Variants in ITGA9 observed in about 807,000 individuals in gnomAD.
ITGA9 encodes the protein integrin subunit alpha 9.
A neutral mutation model predicts 127.8 loss-of-function variants in ITGA9; 56 were observed. The observed-to-expected ratio is 0.44, with a 90% confidence interval of 0.35 to 0.55. The LOEUF is 0.55. Ranked by LOEUF, ITGA9 falls within the 20% of genes least tolerant of loss-of-function variation. ITGA9 has a pLI of 0.00. For synonymous variants in ITGA9, 508 were observed against 514.5 expected, an observed-to-expected ratio of 0.99 and a Z score of 0.17; for missense variants, 1,196 against 1,347.1, an observed-to-expected ratio of 0.89 and a Z score of 1.76.
chr3:37,611,427 A>G (rs1231630748), intron 15 of ITGA9, among the ~76,000 whole-genome samples: 1 of 152,180 alleles, frequency 6.6e-6, no homozygotes, highest in East Asian at 1.9e-4. Context: ...TGGATCCAAT[A>G]TGGTGGCCAT....
At chr3:37,477,833 C>T (rs548075954) in intron 3 of ITGA9, among the ~76,000 whole-genome samples, 1 of 152,210 alleles carries the variant, frequency 6.6e-6, no homozygotes, top group Admixed American at 6.5e-5. Context: ...TGTGCAGAAG[C>T]AGTATTCTCT....
At chr3:37,748,993 T>A in intron 22 of ITGA9, 1 of 481,416 alleles carries the variant, frequency 2.1e-6, no homozygotes. Flanking sequence ...GCTTCTTGTA[T>A]TAATTTCTTA....
intron 16 of ITGA9, among the ~76,000 whole-genome samples, chr3:37,649,291 A>G (rs1700408175): frequency 1.3e-5 from 2 of 152,206 alleles, no homozygotes; most frequent in Non-Finnish European, 2.9e-5. Context: ...GACTGAATAG[A>G]TTATTAAAAA....
At chr3:37,563,467 C>T (rs1213491097) in intron 15 of ITGA9, among the ~76,000 whole-genome samples, 1 of 152,216 alleles carries the variant, frequency 6.6e-6, no homozygotes, top group Non-Finnish European at 1.5e-5. Context: ...ACTCAGCCCA[C>T]ACTTTGCTTA....
chr3:37,614,496 G>T (rs991669570), intron 15 of ITGA9, among the ~76,000 whole-genome samples: 6 of 151,666 alleles, frequency 4.0e-5, no homozygotes, highest in African/African-American at 1.5e-4. Context: ...TTCCAATTCT[G>T]TGAAGAAAGT....
intron 16 of ITGA9, among the ~76,000 whole-genome samples, chr3:37,646,853 G>C (rs931695284): frequency 2.6e-5 from 4 of 152,106 alleles, no homozygotes; most frequent in Non-Finnish European, 4.4e-5. Flanking sequence ...GGAAAATCAG[G>C]AGTTTGGGCC....
intron 17 of ITGA9, among the ~76,000 whole-genome samples, chr3:37,661,053 A>G (rs1700528512): frequency 6.6e-6 from 1 of 152,224 alleles, no homozygotes; most frequent in Non-Finnish European, 1.5e-5. Context: ...GTCAAGGGAC[A>G]GGAAGTTAGT....
chr3:37,747,278 A>C (rs1456057948), intron 22 of ITGA9, among the ~76,000 whole-genome samples: 1 of 152,100 alleles, frequency 6.6e-6, no homozygotes, highest in African/African-American at 2.4e-5. Context: ...TTGTGAGTAC[A>C]TGGTAGGTGT....
intron 18 of ITGA9, among the ~76,000 whole-genome samples, chr3:37,714,025 A>G (rs1413843805): frequency 2.0e-5 from 3 of 152,220 alleles, no homozygotes; most frequent in African/African-American, 7.2e-5. Flanking sequence ...TGGCTGCATG[A>G]TGATGTGCCT....
At chr3:37,541,564 T>C (rs1315175511) in intron 14 of ITGA9, among the ~76,000 whole-genome samples, 1 of 152,176 alleles carries the variant, frequency 6.6e-6, no homozygotes, top group East Asian at 1.9e-4. Flanking sequence ...CTTTCTTTCT[T>C]CTTTTTTTTA....
rs549805694 is a variant in ITGA9 at position 37,736,198 on chromosome 3, G to C, written c.2155-706G>C. ...CCCATCTCCACATACCATCACATAG[G>C]GGGGTTAGGCCTTCCACATATTAAT... On this transcript the variant is annotated intron_variant, in intron 19 of 27. Coordinates refer to ENST00000264741, the MANE Select transcript of ITGA9 (RefSeq NM_002207.3). Among the ~76,000 whole-genome samples the C allele has an allele frequency of 1.8e-4, 27 of 152,216 alleles. No individual in the cohort carries two copies. The East Asian group carries it at 3.9e-3, about 22-fold the overall frequency.
intron 6 of ITGA9, among the ~76,000 whole-genome samples, chr3:37,504,670 C>T (rs781020641): frequency 3.9e-5 from 6 of 152,124 alleles, no homozygotes; most frequent in Admixed American, 6.5e-5. Flanking sequence ...TTTGAAGCTT[C>T]GAGCCTGTGG....
chr3:37,742,798 C>G (rs1696454512), intron 21 of ITGA9, among the ~76,000 whole-genome samples: 1 of 152,204 alleles, frequency 6.6e-6, no homozygotes, highest in Non-Finnish European at 1.5e-5. Flanking sequence ...TCCAAGCATT[C>G]CTGCTCCTGA....
intron 23 of ITGA9, among the ~76,000 whole-genome samples, chr3:37,755,490 A>G (rs1241861461): frequency 6.6e-6 from 1 of 152,224 alleles, no homozygotes; most frequent in Admixed American, 6.5e-5. Context: ...AAGGCTTCTG[A>G]ATAAGCAAGA....
intron 24 of ITGA9, among the ~76,000 whole-genome samples, 164 bp from the exon 25 acceptor site, chr3:37,779,738 A>G (rs1696952830): frequency 6.6e-6 from 1 of 152,178 alleles, no homozygotes; most frequent in Admixed American, 6.5e-5. Context: ...AAATCCCTTG[A>G]ATGCCCTCTG....
intron 26 of ITGA9, among the ~76,000 whole-genome samples, chr3:37,792,587 G>C (rs984105578): frequency 6.6e-6 from 1 of 151,822 alleles, no homozygotes; most frequent in Non-Finnish European, 1.5e-5. Flanking sequence ...CTGGTTAGCA[G>C]TGAAGAGAAC....
chr3:37,561,105 G>A (rs992840884), intron 15 of ITGA9, among the ~76,000 whole-genome samples: 1 of 152,174 alleles, frequency 6.6e-6, no homozygotes, highest in Non-Finnish European at 1.5e-5. Flanking sequence ...TCCAAATACA[G>A]CCCCATTCTG....
intron 27 of ITGA9, 25 bp downstream of exon 27, chr3:37,803,967 C>T: frequency 1.2e-6 from 2 of 1,613,848 alleles, no homozygotes; most frequent in South Asian, 2.2e-5. Flanking sequence ...TGCAGGTCCC[C>T]CTGGGGTCCC....
In ITGA9 at chr3:37,585,610, GCCATATTACATT is replaced by G. The variant is rs568338756; in HGVS notation, c.1689+43029_1689+43040del. ...GTTTTATCTCCCAGATGTGATTTAT[GCCATATTACATT>G]CCAAGAAGGGAACATGAAGAATGTT... On this transcript the variant is annotated intron_variant, in intron 15 of 27. Coordinates refer to ENST00000264741, the MANE Select transcript of ITGA9 (RefSeq NM_002207.3). The G allele has an allele frequency of 2.8e-4, 144 of 515,392 alleles. 2 individuals are homozygous for G. Among genetic ancestry groups the G allele is most frequent in the South Asian group, 2.0e-3 (143 of 71,376 alleles). The allele number at this position is 515,392 out of a possible 1,614,324, so 31.9% of individuals were successfully genotyped here. A position where few individuals can be genotyped will look rare whatever the true frequency, so the allele number is the denominator to read the frequency against.
Sources: allele counts gnomAD v4.1 joint callset (sites outside exome capture counted in the v4.1 genomes callset), GRCh38; gene constraint gnomAD v4.1.1; transcripts MANE v1.5; gene names NCBI Gene and HGNC (gene_info 2026-07-23, HGNC 2026-07-21).